The following AGBL1 variants were observed in gnomAD, a reference collection of about 807,000 sequenced individuals.
AGBL1 encodes the protein AGBL carboxypeptidase 1.
AGBL1 carries 130 observed loss-of-function variants against 118.9 expected under a neutral mutation model. The ratio of observed to expected loss-of-function variants is 1.09; its 90% CI spans 0.95 to 1.26. The LOEUF (loss-of-function observed/expected upper bound fraction) is 1.26, where lower values mean the gene tolerates loss of function less well. Among genes scored for constraint, AGBL1 ranks in the 50% most tolerant of loss-of-function variants. The pLI is 0.00. For missense variants in AGBL1, 1,584 were observed against 1,298.1 expected, an observed-to-expected ratio of 1.22 and a Z score of -3.38; for synonymous variants, 555 against 478.9, an observed-to-expected ratio of 1.16 and a Z score of -2.08.
chr15:86,814,772 C>T (rs564124362), intron 22 of AGBL1, among the ~76,000 whole-genome samples: 1 of 152,288 alleles, frequency 6.6e-6, no homozygotes, highest in Non-Finnish European at 1.5e-5. Flanking sequence ...AGAAAACAGT[C>T]AATTTTTGAT....
intron 5 of AGBL1, among the ~76,000 whole-genome samples, chr15:86,164,910 GT>G (rs1428276485): frequency 1.3e-5 from 2 of 152,178 alleles, no homozygotes; most frequent in Admixed American, 6.5e-5. Context: ...GACACAGGAA[GT>G]CAGGAAGTGT....
chr15:86,269,526 T>C (rs1334276515), intron 13 of AGBL1, among the ~76,000 whole-genome samples: 1 of 152,232 alleles, frequency 6.6e-6, no homozygotes, highest in Non-Finnish European at 1.5e-5. Context: ...AGAATTGGAA[T>C]GTTCTTAACC....
At chr15:86,376,296 C>A (rs1044815878) in intron 17 of AGBL1, among the ~76,000 whole-genome samples, 1 of 152,226 alleles carries the variant, frequency 6.6e-6, no homozygotes, top group Non-Finnish European at 1.5e-5. Context: ...ACTGCCCTCA[C>A]TCTGTACTAA....
chr15:86,728,212 A>G (rs2086848585), intron 22 of AGBL1, among the ~76,000 whole-genome samples: 1 of 152,322 alleles, frequency 6.6e-6, no homozygotes, highest in Admixed American at 6.5e-5. Flanking sequence ...ACCGTACCAC[A>G]GTTACCCAGG....
chr15:86,693,469 A>T (rs879309097), intron 22 of AGBL1, among the ~76,000 whole-genome samples: 2 of 151,796 alleles, frequency 1.3e-5, no homozygotes, highest in Admixed American at 6.6e-5. Context: ...TTTCTTGCTA[A>T]TTTTTTGAGT....
At chr15:86,887,020 A>G (rs1296790976) in intron 22 of AGBL1, among the ~76,000 whole-genome samples, 3 of 152,204 alleles carry the variant, frequency 2.0e-5, no homozygotes. Context: ...TGGAATGCTC[A>G]CAGAGTTCCC....
Position 86,643,147 on chromosome 15 carries a change from A to G in AGBL1, c.2995-31126A>G, listed in dbSNP as rs372235546. 4.6e-5 allele frequency among the ~76,000 whole-genome samples: 7 copies of G among 152,156 alleles called. No individual in the cohort carries two copies. In the East Asian group the frequency reaches 1.4e-3, roughly 29 times the overall value. On this transcript the variant is annotated intron_variant, in intron 21 of 22. Coordinates refer to ENST00000614907, the MANE Select transcript of AGBL1 (RefSeq NM_001386094.1). Reference sequence around the variant, plus strand: ...TTTGTAGTACGTTGTTCATAAAGAGAAAGATGGGCTGGCTCCTTATAAGCT... The same window carrying G: ...TTTGTAGTACGTTGTTCATAAAGAGGAAGATGGGCTGGCTCCTTATAAGCT...
intron 21 of AGBL1, among the ~76,000 whole-genome samples, chr15:86,599,415 A>G (rs2084461202): frequency 6.6e-6 from 1 of 151,926 alleles, no homozygotes; most frequent in African/African-American, 2.4e-5. Context: ...TTGTCTCTAT[A>G]TTTATGCTTT....
intron 18 of AGBL1, among the ~76,000 whole-genome samples, chr15:86,484,250 G>A (rs1445090358): frequency 6.6e-6 from 1 of 152,088 alleles, no homozygotes; most frequent in East Asian, 1.9e-4. Context: ...ACCATGAGGG[G>A]AAGGCTGATA....
chr15:86,215,924 G>A (rs1045675810), intron 5 of AGBL1, among the ~76,000 whole-genome samples: 1 of 152,072 alleles, frequency 6.6e-6, no homozygotes, highest in Non-Finnish European at 1.5e-5. Context: ...TCAATCTTTA[G>A]CAATATTTTT....
Position 86,264,359 on chromosome 15 carries a change from C to T in AGBL1, c.1188C>T (p.Tyr396=), listed in dbSNP as rs747842869. 12 of 1,613,502 alleles carry T rather than the reference C, an allele frequency of 7.4e-6. No homozygotes were observed. In the South Asian group the frequency reaches 1.3e-4, roughly 18 times the overall value. ...CTGCCTCCTCAAAACAGCATTGCTA[C>T]AGCAAGGACCAAAGCTCCTGTGGGC... ...PAAASSKQHC[Y]SKDQSSCGQE... Residue 396 remains tyrosine (Y), a synonymous_variant, in exon 11 of 23, where the codon TAC becomes TAT. Coordinates refer to ENST00000614907, the MANE Select transcript of AGBL1 (RefSeq NM_001386094.1).
chr15:86,153,167 A>G (rs928530467), intron 3 of AGBL1, among the ~76,000 whole-genome samples: 2 of 152,222 alleles, frequency 1.3e-5, no homozygotes, highest in African/African-American at 2.4e-5. Context: ...CTGAGTATAT[A>G]CCCAAAGGAT....
At chr15:86,238,805 T>C (rs1158968388) in intron 6 of AGBL1, among the ~76,000 whole-genome samples, 1 of 152,178 alleles carries the variant, frequency 6.6e-6, no homozygotes, top group Non-Finnish European at 1.5e-5. Context: ...ATGTTTATTT[T>C]TCAAATTTAT....
chr15:86,634,446 G>A (rs1017788993), intron 21 of AGBL1, among the ~76,000 whole-genome samples: 1 of 151,744 alleles, frequency 6.6e-6, no homozygotes, highest in Non-Finnish European at 1.5e-5. Context: ...AGTGAAAGAA[G>A]CCCATCATGA....
intron 11 of AGBL1, 52 bp from the exon 12 acceptor site, chr15:86,266,322 G>A: frequency 7.2e-7 from 1 of 1,391,744 alleles, no homozygotes; most frequent in Non-Finnish European, 9.9e-7. Context: ...CAGGATGAGT[G>A]AGCTAGGGAG....
chr15:86,700,247 GAAT>G (rs1159388335), intron 22 of AGBL1, among the ~76,000 whole-genome samples: 9 of 151,776 alleles, frequency 5.9e-5, no homozygotes, highest in Non-Finnish European at 1.2e-4. Flanking sequence ...TTGATAGTGG[GAAT>G]TTCTCATGCT....
chr15:86,675,208 T>C (rs866999384), intron 22 of AGBL1, among the ~76,000 whole-genome samples: 1 of 152,040 alleles, frequency 6.6e-6, no homozygotes, highest in Non-Finnish European at 1.5e-5. Flanking sequence ...GAAATTGAGT[T>C]GTTGGGGAAG....
At chr15:86,816,033 C>T (rs945790485) in intron 22 of AGBL1, among the ~76,000 whole-genome samples, 2 of 151,886 alleles carry the variant, frequency 1.3e-5, no homozygotes, top group Non-Finnish European at 2.9e-5. Flanking sequence ...GTGTTTTCAG[C>T]CAGAAATATG....
intron 24 of AGBL1, among the ~76,000 whole-genome samples, chr15:86,999,375 C>T (rs1256852964): frequency 1.4e-5 from 2 of 146,440 alleles, no homozygotes; most frequent in Non-Finnish European, 3.0e-5. Context: ...TCCCCCCTGC[C>T]ACCACCCCAC....
Sources: gnomAD v4.1 joint callset for allele counts (sites outside exome capture counted in the v4.1 genomes callset) on GRCh38, gnomAD v4.1.1 for gene constraint, MANE v1.5 for transcripts, NCBI Gene and HGNC (gene_info 2026-07-23, HGNC 2026-07-21) for gene names.